The following MIB1 variants were observed in gnomAD, a reference collection of about 807,000 sequenced individuals.
MIB1 encodes MIB E3 ubiquitin protein ligase 1.
Under a neutral mutation model 124.5 loss-of-function variants are expected in MIB1, and 278 were observed. The observed-to-expected ratio is 2.23, with a 90% CI of 2.02 to 2.47. The LOEUF (loss-of-function observed/expected upper bound fraction) is 2.47, where lower values mean the gene tolerates loss of function less well. Ranked by LOEUF, MIB1 falls within the 30% of genes most tolerant of loss-of-function variation. The pLI, the probability that MIB1 is intolerant of heterozygous loss-of-function variation, is 0.00. For synonymous variants in MIB1, 446 were observed against 429.4 expected (o/e 1.04, Z -0.48); for missense variants, 957 against 1,254.4 (o/e 0.76, Z 3.58).
At chr18:21,817,686 A>C in intron 11 of MIB1, 1 of 448,300 alleles carries the variant, frequency 2.2e-6, no homozygotes, top group East Asian at 7.1e-5. Context: ...TTAGGGGAGC[A>C]TAGGGCTCTG....
chr18:21,779,807 T>C, intron 6 of MIB1, 122 bp downstream of exon 6: 1 of 753,214 alleles, frequency 1.3e-6, no homozygotes, highest in Non-Finnish European at 2.2e-6. Context: ...AGATGGTAAG[T>C]AAAAATCCAG....
Position 21,768,729 on chromosome 18 carries a change from G to T in MIB1, c.508G>T (p.Gly170Ter). ...GGACTGGCAGTGGGAAGATCAAGAT[G>T]GAGGAAATGGACGTAGGGGAAAGGT... ...GVDWQWEDQD[G>*]GNGRRGKVTE... Residue 170 changes from glycine (G) to a stop codon, truncating the protein, a stop_gained, in exon 3 of 21, where the codon GGA (glycine) becomes TGA (stop). Transcript: ENST00000261537. LOFTEE classifies it high-confidence loss of function. 1 of 1,610,874 alleles carries T rather than the reference G, an allele frequency of 6.2e-7. No homozygotes were observed.
intron 12 of MIB1, chr18:21,826,912 T>C (rs2041929265): frequency 6.6e-6 from 1 of 152,144 alleles, no homozygotes; most frequent in Non-Finnish European, 1.5e-5. Context: ...TTTTTCATCA[T>C]TTTTTCTAGT....
At chr18:21,853,360 T>A (rs991610801) in intron 18 of MIB1, 142 bp downstream of exon 18, 3 of 622,260 alleles carry the variant, frequency 4.8e-6, no homozygotes, top group Non-Finnish European at 8.5e-6. Flanking sequence ...TCTATTTCTT[T>A]CTCTGTACTA....
At chr18:21,850,789 A>G (rs1296043410) in intron 17 of MIB1, among the ~76,000 whole-genome samples, 1 of 152,210 alleles carries the variant, frequency 6.6e-6, no homozygotes, top group African/African-American at 2.4e-5. Context: ...AGCATTTATA[A>G]TTCGCTTTAG....
intron 7 of MIB1, among the ~76,000 whole-genome samples, chr18:21,792,702 T>G (rs75400535): frequency 0.016 from 2,475 of 152,314 alleles, 63 homozygotes; most frequent in African/African-American, 0.052. Context: ...CATACAATAT[T>G]ACAAGAGGGT....
chr18:21,779,949 A>G (rs1316404545), intron 6 of MIB1, among the ~76,000 whole-genome samples: 1 of 151,518 alleles, frequency 6.6e-6, no homozygotes, highest in Non-Finnish European at 1.5e-5. Context: ...TCTGTACACT[A>G]TTTTTCCTTC....
chr18:21,807,621 G>A (rs1207574759), intron 10 of MIB1, among the ~76,000 whole-genome samples: 1 of 152,188 alleles, frequency 6.6e-6, no homozygotes, highest in Admixed American at 6.5e-5. Context: ...GTTACAAGTG[G>A]GTGGGTGGAG....
In MIB1 at chr18:21,815,917, T is replaced by G. The variant is rs998706756; in HGVS notation, c.1677+104T>G. ...ATTCCTTTGTTACCGTTCTCATATG[T>G]CATAGTAAATGATACCAAAGGCGTA... On this transcript the variant is annotated intron_variant, in intron 11 of 20. Coordinates refer to ENST00000261537, the MANE Select transcript of MIB1 (RefSeq NM_020774.4). 3 of 1,011,558 alleles carry G rather than the reference T, an allele frequency of 3.0e-6. No homozygotes were observed. In the African/African-American group the frequency reaches 4.9e-5, roughly 16 times the overall value. The allele number at this position is 1,011,558 out of a possible 1,614,324, so 62.7% of individuals were successfully genotyped here.
chr18:21,829,162 A>G (rs1335550561), intron 12 of MIB1: 6 of 403,212 alleles, frequency 1.5e-5, no homozygotes, highest in African/African-American at 1.3e-4. Flanking sequence ...TCAGCTTACT[A>G]ATGTAGAGCA....
intron 6 of MIB1, among the ~76,000 whole-genome samples, chr18:21,790,478 G>A (rs575927892): frequency 1.1e-4 from 16 of 152,104 alleles, no homozygotes; most frequent in South Asian, 8.3e-4. Context: ...ATTTAAGATA[G>A]GTCTGTATCT....
chr18:21,722,433 G>GGATCTCAGCTCACTGCAACCTCC (rs1386519422), intron 1 of MIB1, among the ~76,000 whole-genome samples: 1 of 145,514 alleles, frequency 6.9e-6, no homozygotes, highest in East Asian at 2.1e-4. Flanking sequence ...TGCAGTGGCA[G>GGATCTCAGCTCACTGCAACCTCC]GATCTCAGCT....
chr18:21,721,081 T>C (rs1459494182), intron 1 of MIB1, among the ~76,000 whole-genome samples: 1 of 150,854 alleles, frequency 6.6e-6, no homozygotes, highest in Non-Finnish European at 1.5e-5. Context: ...TAAATTTGTA[T>C]ATATTAGAAA....
intron 1 of MIB1, among the ~76,000 whole-genome samples, chr18:21,743,325 G>C (rs2040876730): frequency 6.6e-6 from 1 of 152,160 alleles, no homozygotes; most frequent in African/African-American, 2.4e-5. Context: ...TTATATTGGT[G>C]ATTGTTCCAT....
chr18:21,717,268 C>G (rs1241269959), intron 1 of MIB1, among the ~76,000 whole-genome samples: 1 of 152,174 alleles, frequency 6.6e-6, no homozygotes, highest in East Asian at 1.9e-4. Flanking sequence ...GGACTTAAAT[C>G]TAAGACCTGA....
chr18:21,820,209 A>G (rs1187552698), intron 12 of MIB1, among the ~76,000 whole-genome samples: 7 of 152,188 alleles, frequency 4.6e-5, no homozygotes, highest in African/African-American at 1.7e-4. Flanking sequence ...TGTCCCACAG[A>G]ATGGGAAAAT....
chr18:21,816,883 G>A (rs1425336040), intron 11 of MIB1, among the ~76,000 whole-genome samples: 2 of 151,972 alleles, frequency 1.3e-5, no homozygotes, highest in East Asian at 1.9e-4. Flanking sequence ...GGAGGATGAG[G>A]GAAGAATTGG....
At chr18:21,717,183 G>T (rs1468798785) in intron 1 of MIB1, among the ~76,000 whole-genome samples, 1 of 152,072 alleles carries the variant, frequency 6.6e-6, no homozygotes, top group Non-Finnish European at 1.5e-5. Context: ...AATGGTGCAG[G>T]GTAGCCAAAT....
In MIB1 at chr18:21,860,330, G is replaced by A. The variant is rs577761578; in HGVS notation, c.2880+1684G>A. ...TTTCCAGGCTGGTCTTGAACTTCTG[G>A]CCTCAAGGGATCTACACACCTTGGC... On this transcript the variant is annotated intron_variant, in intron 20 of 20. Transcript: ENST00000261537. Among the ~76,000 whole-genome samples, 29 of 150,954 alleles carry A rather than the reference G, an allele frequency of 1.9e-4. 1 individual carries two copies. In the South Asian group the frequency reaches 5.7e-3, roughly 30 times the overall value.
Sources: allele counts gnomAD v4.1 joint callset (sites outside exome capture counted in the v4.1 genomes callset), GRCh38; gene constraint gnomAD v4.1.1; transcripts MANE v1.5; gene names NCBI Gene and HGNC (gene_info 2026-07-23, HGNC 2026-07-21).